SEMA3C: variants seen among roughly 807,000 people sequenced by gnomAD.
SEMA3C encodes semaphorin-3C.
A neutral mutation model predicts 89.4 loss-of-function variants in SEMA3C; 47 were observed. The observed-to-expected ratio is 0.53, with a 90% CI of 0.42 to 0.67. The LOEUF is 0.67. Ranked by LOEUF, SEMA3C falls within the 30% of genes least tolerant of loss-of-function variation. The pLI is 0.00. For synonymous variants in SEMA3C, 310 were observed against 320.2 expected (o/e 0.97, Z 0.34); for missense variants, 839 against 929.1 (o/e 0.90, Z 1.26).
chr7:80,747,732 T>C (rs1354393768), intron 17 of SEMA3C, among the ~76,000 whole-genome samples: 2 of 152,206 alleles, frequency 1.3e-5, no homozygotes, highest in Non-Finnish European at 2.9e-5. Context: ...TTAAAATCTT[T>C]CTAAAAGTAT....
intron 2 of SEMA3C, among the ~76,000 whole-genome samples, chr7:80,830,667 C>T (rs998682092): frequency 6.6e-6 from 1 of 152,074 alleles, no homozygotes; most frequent in Non-Finnish European, 1.5e-5. Flanking sequence ...TCATTAATAA[C>T]AAGGGCCTGG....
At chr7:80,775,296 G>C (rs1001119585) in intron 12 of SEMA3C, among the ~76,000 whole-genome samples, 2 of 152,060 alleles carry the variant, frequency 1.3e-5, no homozygotes, top group African/African-American at 4.8e-5. Flanking sequence ...GTGCCAACTG[G>C]TTTGTAGGTA....
At chr7:80,755,060 A>G (rs914472548) in intron 15 of SEMA3C, among the ~76,000 whole-genome samples, 3 of 150,130 alleles carry the variant, frequency 2.0e-5, no homozygotes, top group Non-Finnish European at 4.4e-5. Flanking sequence ...TCGGCCTCCC[A>G]AAGTGCTGGG....
intron 2 of SEMA3C, among the ~76,000 whole-genome samples, chr7:80,832,993 A>AT (rs1790042249): frequency 6.6e-6 from 1 of 152,076 alleles, no homozygotes; most frequent in Admixed American, 6.6e-5. Context: ...CCAAACCATT[A>AT]TTTTTTTCTT....
At chr7:80,860,756 C>T (rs1790752200) in intron 2 of SEMA3C, among the ~76,000 whole-genome samples, 1 of 152,240 alleles carries the variant, frequency 6.6e-6, no homozygotes, top group Non-Finnish European at 1.5e-5. Flanking sequence ...ACAGCGAAGA[C>T]GAGGCCACCC....
At chr7:80,795,635 A>G (rs1358679553) in intron 11 of SEMA3C, among the ~76,000 whole-genome samples, 1 of 152,198 alleles carries the variant, frequency 6.6e-6, no homozygotes, top group Non-Finnish European at 1.5e-5. Flanking sequence ...TTTTACTAAA[A>G]AGGGTTTAGT....
At chr7:80,836,242 C>A (rs10215990) in intron 2 of SEMA3C, among the ~76,000 whole-genome samples, 139,204 of 152,238 alleles carry the variant, frequency 0.91, 63,659 homozygotes, top group East Asian at 1. Context: ...TCATCAAGGG[C>A]ACAGACACAG....
intron 7 of SEMA3C, 127 bp downstream of exon 7, chr7:80,805,512 A>C: frequency 1.5e-6 from 1 of 685,068 alleles, no homozygotes; most frequent in Non-Finnish European, 2.3e-6. Context: ...TAGGGTACAG[A>C]ATTACCATTA....
chr7:80,846,985 A>T (rs1562903529), intron 2 of SEMA3C, among the ~76,000 whole-genome samples: 1 of 152,148 alleles, frequency 6.6e-6, no homozygotes, highest in Non-Finnish European at 1.5e-5. Flanking sequence ...TATACTGAGT[A>T]CATGTCCATT....
intron 2 of SEMA3C, among the ~76,000 whole-genome samples, chr7:80,841,745 T>G (rs560645414): frequency 4.6e-5 from 7 of 152,306 alleles, no homozygotes; most frequent in African/African-American, 1.4e-4. Context: ...CATTTTCTTT[T>G]GAACACAGGA....
At chr7:80,869,474 T>C (rs1583961724) in intron 2 of SEMA3C, among the ~76,000 whole-genome samples, 1 of 152,294 alleles carries the variant, frequency 6.6e-6, no homozygotes, top group East Asian at 1.9e-4. Flanking sequence ...GTGATGTTTG[T>C]CTACCCAACC....
intron 2 of SEMA3C, among the ~76,000 whole-genome samples, chr7:80,908,244 C>A (rs1445650675): frequency 6.6e-6 from 1 of 152,156 alleles, no homozygotes; most frequent in Non-Finnish European, 1.5e-5. Flanking sequence ...TCCCCTTACT[C>A]TCAGTTTCTA....
chr7:80,890,006 A>C (rs1791574406), intron 2 of SEMA3C, among the ~76,000 whole-genome samples: 1 of 152,180 alleles, frequency 6.6e-6, no homozygotes, highest in South Asian at 2.1e-4. Context: ...AAATGTATAG[A>C]AGTAAATCAG....
intron 2 of SEMA3C, among the ~76,000 whole-genome samples, chr7:80,845,316 G>A (rs1305087610): frequency 1.3e-5 from 2 of 152,058 alleles, no homozygotes; most frequent in East Asian, 1.9e-4. Context: ...TTTTTGAAAC[G>A]TGCATTTCCT....
At chr7:80,800,383 A>T (rs902392295) in intron 10 of SEMA3C, among the ~76,000 whole-genome samples, 6 of 152,198 alleles carry the variant, frequency 3.9e-5, no homozygotes, top group Admixed American at 3.3e-4. Context: ...TGTCACTACA[A>T]TCCAGGTGAT....
intron 2 of SEMA3C, among the ~76,000 whole-genome samples, chr7:80,842,386 A>C (rs912386174): frequency 6.6e-6 from 1 of 152,140 alleles, no homozygotes; most frequent in Non-Finnish European, 1.5e-5. Context: ...TTGCTCTGGA[A>C]ACATAATATT....
intron 2 of SEMA3C, among the ~76,000 whole-genome samples, chr7:80,853,712 A>C (rs1260479278): frequency 6.6e-6 from 1 of 152,220 alleles, no homozygotes; most frequent in Non-Finnish European, 1.5e-5. Context: ...ATTCGATAGC[A>C]CAACAGGCTA....
chr7:80,788,748 TTGAG>T (rs1466575571), intron 12 of SEMA3C, among the ~76,000 whole-genome samples: 2 of 152,212 alleles, frequency 1.3e-5, no homozygotes, highest in East Asian at 1.9e-4. Context: ...AAATGTTATA[TTGAG>T]TATGTTATCT....
At chr7:80,885,445 A>G (rs1042841450) in intron 2 of SEMA3C, among the ~76,000 whole-genome samples, 1 of 151,960 alleles carries the variant, frequency 6.6e-6, no homozygotes, top group Admixed American at 6.6e-5. Flanking sequence ...GACAAACCCC[A>G]TCTCTACAAA....
Sources: gnomAD v4.1 joint callset for allele counts (sites outside exome capture counted in the v4.1 genomes callset) on GRCh38, gnomAD v4.1.1 for gene constraint, MANE v1.5 for transcripts, NCBI Gene and HGNC (gene_info 2026-07-23, HGNC 2026-07-21) for gene names.